Variants in USP47 observed in about 807,000 individuals in gnomAD.
USP47 encodes ubiquitin specific peptidase 47.
A neutral mutation model predicts 165.1 loss-of-function variants in USP47; 35 were observed. The observed-to-expected ratio is 0.21, with a 90% CI of 0.16 to 0.28. The LOEUF (loss-of-function observed/expected upper bound fraction) is 0.28, where lower values mean the gene tolerates loss of function less well. USP47 is among the 10% of genes least tolerant of loss of function. USP47 has a pLI of 1.00. For synonymous variants in USP47, 531 were observed against 544.5 expected (o/e 0.98, Z 0.35); for missense variants, 1,277 against 1,607.4 (o/e 0.79, Z 3.52).
intron 4 of USP47, among the ~76,000 whole-genome samples, chr11:11,892,369 TTTTTA>T (rs1284278458): frequency 7.2e-6 from 1 of 139,828 alleles, no homozygotes; most frequent in Non-Finnish European, 1.5e-5. Flanking sequence ...TTTTCTTTTC[TTTTTA>T]ATTTTCTTTT....
chr11:11,849,596 C>T (rs768028341), intron 1 of USP47, among the ~76,000 whole-genome samples: 43 of 152,264 alleles, frequency 2.8e-4, no homozygotes, highest in Middle Eastern at 3.4e-3. Context: ...ATTTTGACTT[C>T]GTGAGAAGCT....
chr11:11,932,781 C>T (rs187347694), intron 14 of USP47, among the ~76,000 whole-genome samples: 1 of 152,286 alleles, frequency 6.6e-6, no homozygotes, highest in East Asian at 1.9e-4. Context: ...TGAATAAATA[C>T]ATGGCTCTTT....
At chr11:11,934,336 G>A (rs1216460927) in intron 16 of USP47, among the ~76,000 whole-genome samples, 1 of 152,044 alleles carries the variant, frequency 6.6e-6, no homozygotes, top group African/African-American at 2.4e-5. Context: ...ACAATCTACT[G>A]GAAAGAACAG....
chr11:11,850,821 G>A (rs1285103645), intron 1 of USP47, among the ~76,000 whole-genome samples: 1 of 152,202 alleles, frequency 6.6e-6, no homozygotes, highest in Admixed American at 6.5e-5. Context: ...CAAGATAAAG[G>A]TGCCGGCAGA....
At position 11,936,529 on chromosome 11, in the gene USP47, T is replaced by G. The variant is rs1855085341; in HGVS notation, c.2077+19T>G. ...CCTGGAGGTGAGCAATTTTACACTA[T>G]TTTTAGTTGTTCTGTACTTAGAATT... On this transcript the variant is annotated intron_variant, in intron 17 of 27. Transcript: ENST00000527733. 6.5e-7 allele frequency: 1 copy of G among 1,539,828 alleles called. No individual in the cohort carries two copies. Among genetic ancestry groups the G allele is most frequent in the African/African-American group, 1.4e-5 (1 of 72,806 alleles).
chr11:11,914,348 A>G (rs1274728693), intron 8 of USP47, among the ~76,000 whole-genome samples: 1 of 152,158 alleles, frequency 6.6e-6, no homozygotes, highest in African/African-American at 2.4e-5. Flanking sequence ...CTGGACATCC[A>G]TATCACAAAA....
At chr11:11,938,527 A>G (rs1801734542) in intron 18 of USP47, among the ~76,000 whole-genome samples, 155 bp downstream of exon 18, 1 of 152,076 alleles carries the variant, frequency 6.6e-6, no homozygotes, top group African/African-American at 2.4e-5. Context: ...AAACAGATTG[A>G]GTAAAGTGTG....
In USP47 at chr11:11,900,351, G is replaced by A. The variant is rs571883168; in HGVS notation, c.594-2364G>A. Among the ~76,000 whole-genome samples the A allele has an allele frequency of 5.9e-5, 9 of 151,878 alleles. No individual in the cohort carries two copies. The South Asian group carries it at 8.3e-4, about 14-fold the overall frequency. On this transcript the variant is annotated intron_variant, in intron 5 of 27. Coordinates refer to ENST00000527733, the MANE Select transcript of USP47 (RefSeq NM_001282659.2). Reference sequence around the variant, plus strand: ...AATTTTTTGTATTTTTAGTAGAGATGGGGTTTCACCGTGTTAGCCAGGATG... The same window carrying A: ...AATTTTTTGTATTTTTAGTAGAGATAGGGTTTCACCGTGTTAGCCAGGATG...
intron 1 of USP47, among the ~76,000 whole-genome samples, chr11:11,855,808 A>C (rs1463861021): frequency 6.6e-6 from 1 of 152,222 alleles, no homozygotes; most frequent in Admixed American, 6.5e-5. Flanking sequence ...TCAGTTAAAC[A>C]TTGAGTTAGT....
At chr11:11,903,967 T>G (rs2134457622) in intron 7 of USP47, among the ~76,000 whole-genome samples, 1 of 152,188 alleles carries the variant, frequency 6.6e-6, no homozygotes, top group South Asian at 2.1e-4. Flanking sequence ...GCTAGAAGGG[T>G]CTGATATCTG....
At chr11:11,918,798 C>A (rs1853613699) in intron 8 of USP47, among the ~76,000 whole-genome samples, 1 of 151,992 alleles carries the variant, frequency 6.6e-6, no homozygotes, top group Admixed American at 6.6e-5. Flanking sequence ...CCTCTCCCCC[C>A]ATCCTTTTTT....
At chr11:11,933,416 C>G (rs912203827) in intron 15 of USP47, among the ~76,000 whole-genome samples, 1 of 151,986 alleles carries the variant, frequency 6.6e-6, no homozygotes, top group Non-Finnish European at 1.5e-5. Context: ...TAGTATTTAT[C>G]AAGAGCCTTA....
At chr11:11,843,990 C>T (rs1848289460) in intron 1 of USP47, among the ~76,000 whole-genome samples, 1 of 152,008 alleles carries the variant, frequency 6.6e-6, no homozygotes, top group African/African-American at 2.4e-5. Context: ...TTTCATGATT[C>T]CTGGAAGCAT....
intron 13 of USP47, 39 bp downstream of exon 13, chr11:11,930,159 A>G: frequency 6.5e-7 from 1 of 1,533,062 alleles, no homozygotes; most frequent in African/African-American, 1.4e-5. Flanking sequence ...AAAAGTTAGA[A>G]TTAATTATAG....
chr11:11,862,217 A>G (rs1849423891), intron 1 of USP47, among the ~76,000 whole-genome samples: 1 of 152,046 alleles, frequency 6.6e-6, no homozygotes, highest in Admixed American at 6.5e-5. Flanking sequence ...TTTAAAGCAC[A>G]CTTTATGCTT....
At chr11:11,936,200 A>G (rs1174543325) in intron 16 of USP47, 103 bp from the exon 17 acceptor site, 1 of 566,886 alleles carries the variant, frequency 1.8e-6, no homozygotes, top group Non-Finnish European at 2.4e-6. Context: ...GCCTATTGTA[A>G]TGTTATTCCC....
At chr11:11,863,074 A>T (rs979522316) in intron 1 of USP47, among the ~76,000 whole-genome samples, 1 of 152,180 alleles carries the variant, frequency 6.6e-6, no homozygotes, top group Non-Finnish European at 1.5e-5. Flanking sequence ...GATACTAAGA[A>T]AGTCTTGAAT....
chr11:11,928,201 C>G (rs1436763991), intron 11 of USP47, among the ~76,000 whole-genome samples: 1 of 151,860 alleles, frequency 6.6e-6, no homozygotes, highest in African/African-American at 2.4e-5. Context: ...AAAATTTTGT[C>G]TAGTGTATTT....
chr11:11,916,655 GA>G (rs200819838), intron 8 of USP47, among the ~76,000 whole-genome samples: 3 of 148,926 alleles, frequency 2.0e-5, no homozygotes, highest in East Asian at 2.0e-4. Context: ...AAGGATCTCA[GA>G]AAAAAAAAAT....
Sources: allele counts gnomAD v4.1 joint callset (sites outside exome capture counted in the v4.1 genomes callset), GRCh38; gene constraint gnomAD v4.1.1; transcripts MANE v1.5; gene names NCBI Gene and HGNC (gene_info 2026-07-23, HGNC 2026-07-21).